CIPC: variants seen among roughly 807,000 people sequenced by gnomAD.
CIPC encodes the protein CLOCK interacting pacemaker.
Under a neutral mutation model 26.7 loss-of-function variants are expected in CIPC, and 12 were observed. The observed-to-expected ratio is 0.45, with a 90% CI of 0.29 to 0.73. The LOEUF is 0.73. CIPC is among the 30% of genes least tolerant of loss of function. The pLI is 0.12. For missense variants in CIPC, 417 were observed against 486.5 expected, an observed-to-expected ratio of 0.86 and a Z score of 1.34; for synonymous variants, 170 against 189.8, an observed-to-expected ratio of 0.90 and a Z score of 0.86.
chr14:77,107,304 C>T (rs935722843), intron 2 of CIPC, among the ~76,000 whole-genome samples: 2 of 152,126 alleles, frequency 1.3e-5, no homozygotes, highest in Non-Finnish European at 2.9e-5. Context: ...TCAACTTTGT[C>T]AGGCCAGTTG....
Position 77,114,552 on chromosome 14 carries a change from C to T in CIPC, c.*234C>T, listed in dbSNP as rs1886771824. ...CTCAGTTTGGGAGTGCCCTTGAGCC[C>T]CTTTTCCTTAGCCTGCAGGTGCTTC... On this transcript the variant is annotated 3_prime_UTR_variant, in exon 4 of 4. Coordinates refer to ENST00000361786, the MANE Select transcript of CIPC (RefSeq NM_033426.3). The T allele has an allele frequency of 8.1e-6, 4 of 491,598 alleles. No homozygotes were observed. Among genetic ancestry groups the T allele is most frequent in the Admixed American group, 3.6e-5 (1 of 28,082 alleles). 30.5% of individuals were successfully genotyped at this position (491,598 alleles called of 1,614,324 possible). A position where few individuals can be genotyped will look rare whatever the true frequency, so the allele number is the denominator to read the frequency against.
intron 1 of CIPC, among the ~76,000 whole-genome samples, chr14:77,104,835 A>G (rs1038756777): frequency 3.3e-5 from 5 of 152,242 alleles, no homozygotes; most frequent in Admixed American, 2.6e-4. Context: ...AGGAAGCGAC[A>G]GATGCCTATT....
rs1260741112 is a variant in CIPC, at chr14:77,116,885, T to A, written c.*2567T>A. The A allele has an allele frequency of 6.6e-6, 1 of 152,238 alleles. No individual in the cohort carries two copies. The highest frequency in any genetic ancestry group is 2.4e-5 in the African/African-American group (1 of 41,458). 9.4% of individuals were successfully genotyped at this position (152,238 alleles called of 1,614,324 possible). A position where few individuals can be genotyped will look rare whatever the true frequency, so the allele number is the denominator to read the frequency against. ...TAGCGATGAATAACGTAATTGGCTA[T>A]GAAGTACTGTGGCAGAGCTGCTGTT... On this transcript the variant is annotated 3_prime_UTR_variant, in exon 4 of 4. Coordinates refer to ENST00000361786, the MANE Select transcript of CIPC (RefSeq NM_033426.3).
chr14:77,113,787 C>T lies in CIPC; in HGVS notation c.669C>T (p.Ala223=), dbSNP rs375338415. The change falls in exon 4 of 4, where the codon GCC becomes GCT. Residue 223 remains alanine (A), a synonymous_variant. Transcript: ENST00000361786. ...STPAPPSAKL[A]EDSALQGVPS... ...CAGCACCACCCAGCGCCAAACTTGC[C>T]GAGGACTCAGCTCTGCAGGGTGTGC... is the stretch of plus-strand genomic sequence containing the variant. 1.8e-5 allele frequency: 29 copies of T among 1,613,672 alleles called. 1 individual carries two copies. The highest frequency in any genetic ancestry group is 1.6e-4 in the South Asian group (15 of 91,060).
intron 1 of CIPC, among the ~76,000 whole-genome samples, chr14:77,100,654 C>G (rs1886463451): frequency 6.6e-6 from 1 of 151,870 alleles, no homozygotes; most frequent in African/African-American, 2.4e-5. Flanking sequence ...ACTGCAACTC[C>G]ACATCCCAGG....
In CIPC at chr14:77,116,717, A is replaced by G. The variant is rs1385206673; in HGVS notation, c.*2399A>G. On this transcript the variant is annotated 3_prime_UTR_variant, in exon 4 of 4. Transcript: ENST00000361786. ...GGCATTTGTTCTCTGTTGGAGCTGT[A>G]AGCAGATGAACCCAAGTAGAGAAGA... 1 of 152,234 alleles carries G rather than the reference A, an allele frequency of 6.6e-6. No homozygotes were observed. The highest frequency in any genetic ancestry group is 1.9e-4 in the East Asian group (1 of 5,204). The allele number at this position is 152,234 out of a possible 1,614,324, so 9.4% of individuals were successfully genotyped here.
chr14:77,102,377 A>G (rs1886508234), intron 1 of CIPC, among the ~76,000 whole-genome samples: 2 of 152,232 alleles, frequency 1.3e-5, no homozygotes, highest in African/African-American at 2.4e-5. Flanking sequence ...AGAAAAAAAC[A>G]AAAAGCAACA....
intron 1 of CIPC, among the ~76,000 whole-genome samples, chr14:77,101,585 C>T (rs1886484819): frequency 6.6e-6 from 1 of 152,196 alleles, no homozygotes; most frequent in African/African-American, 2.4e-5. Flanking sequence ...TACCTTTCCT[C>T]ACCTACCATA....
rs371361427 is a variant in CIPC at position 77,109,771 on chromosome 14, G to C, written c.137-41G>C. The stretch of plus-strand genomic sequence containing the variant: ...TTAGGAGCCTGGTTAAGAGCCCCTA[G>C]TCTAGAGCCTGAGTGAGTTGACCAT... On this transcript the variant is annotated intron_variant, in intron 2 of 3. Coordinates refer to ENST00000361786, the MANE Select transcript of CIPC (RefSeq NM_033426.3). 1.6e-5 allele frequency: 25 copies of C among 1,582,520 alleles called. No individual in the cohort carries two copies. In the African/African-American group the frequency reaches 3.1e-4, roughly 20 times the overall value.
At chr14:77,103,817 T>C (rs560217796) in intron 1 of CIPC, among the ~76,000 whole-genome samples, 1 of 152,252 alleles carries the variant, frequency 6.6e-6, no homozygotes, top group Admixed American at 6.5e-5. Flanking sequence ...AGTCTCTACA[T>C]GACCAAATCT....
intron 1 of CIPC, among the ~76,000 whole-genome samples, chr14:77,101,855 G>A (rs1241837482): frequency 6.6e-6 from 1 of 152,212 alleles, no homozygotes; most frequent in African/African-American, 2.4e-5. Flanking sequence ...GGAGGCTGAG[G>A]TGGGAGGATT....
chr14:77,107,404 T>C (rs1205237068), intron 2 of CIPC, among the ~76,000 whole-genome samples: 1 of 152,178 alleles, frequency 6.6e-6, no homozygotes, highest in African/African-American at 2.4e-5. Context: ...TGAATGCCAC[T>C]GGAATGCTTC....
In CIPC at chr14:77,113,781, A is replaced by C. The variant is rs1886752287; in HGVS notation, c.663A>C (p.Lys221Asn). The C allele has an allele frequency of 6.2e-7, 1 of 1,613,792 alleles. No individual in the cohort carries two copies. Among genetic ancestry groups the C allele is most frequent in the Non-Finnish European group, 8.5e-7 (1 of 1,179,750 alleles). ...SPSTPAPPSA[K>N]LAEDSALQGV... ...CGACGCCAGCACCACCCAGCGCCAA[A>C]CTTGCCGAGGACTCAGCTCTGCAGG... is the stretch of plus-strand genomic sequence containing the variant. The change falls in exon 4 of 4, where the codon AAA (lysine) becomes AAC (asparagine). Residue 221 changes from lysine to asparagine, a missense_variant. Coordinates refer to ENST00000361786, the MANE Select transcript of CIPC (RefSeq NM_033426.3).
In CIPC at chr14:77,114,525, A is replaced by T. The variant is rs1221005542; in HGVS notation, c.*207A>T. The T allele has an allele frequency of 2.0e-5, 11 of 553,912 alleles. No individual in the cohort carries two copies. Among genetic ancestry groups the T allele is most frequent in the Non-Finnish European group, 3.2e-5 (10 of 317,422 alleles). The allele number at this position is 553,912 out of a possible 1,614,324, so 34.3% of individuals were successfully genotyped here. ...TACATATGTCCCCGTCCCACTGAGG[A>T]CCTCAGTTTGGGAGTGCCCTTGAGC... On this transcript the variant is annotated 3_prime_UTR_variant, in exon 4 of 4. Transcript: ENST00000361786.
rs186908975 is a variant in CIPC at position 77,108,988 on chromosome 14, A to C, written c.137-824A>C. Among the ~76,000 whole-genome samples, 8 of 151,974 alleles carry C rather than the reference A, an allele frequency of 5.3e-5. No individual in the cohort carries two copies. The East Asian group carries it at 1.4e-3, about 26-fold the overall frequency. ...CTGGGACAAGCAGCTGTCCAGGCTC[A>C]TCTCGTATCTTCCCTGTCAAAGTCT... On this transcript the variant is annotated intron_variant, in intron 2 of 3. Transcript: ENST00000361786.
intron 1 of CIPC, among the ~76,000 whole-genome samples, chr14:77,100,861 A>G (rs1361115480): frequency 4.6e-5 from 7 of 152,016 alleles, no homozygotes; most frequent in African/African-American, 1.7e-4. Flanking sequence ...GAGCCACCAC[A>G]CCCGGCCTGA....
intron 1 of CIPC, among the ~76,000 whole-genome samples, chr14:77,103,723 C>T (rs528560711): frequency 1.8e-4 from 28 of 152,158 alleles, no homozygotes; most frequent in Non-Finnish European, 3.5e-4. Context: ...ATCACTGGAG[C>T]AAATATAGGC....
chr14:77,102,802 G>A (rs1886517849), intron 1 of CIPC, among the ~76,000 whole-genome samples: 1 of 152,178 alleles, frequency 6.6e-6, no homozygotes, highest in Non-Finnish European at 1.5e-5. Flanking sequence ...CCATCCACAA[G>A]CCTCATCTAC....
In CIPC at chr14:77,112,701, G is replaced by GT. The variant is rs200023584; in HGVS notation, c.307-715dup. Among the ~76,000 whole-genome samples the GT allele has an allele frequency of 1.8e-3, 260 of 148,002 alleles. 2 individuals carry two copies. Among genetic ancestry groups the GT allele is most frequent in the African/African-American group, 2.9e-3 (115 of 40,346 alleles). On this transcript the variant is annotated intron_variant, in intron 3 of 3. Coordinates refer to ENST00000361786, the MANE Select transcript of CIPC (RefSeq NM_033426.3). ...ATATGGGTTTTTTTCTTTTCTTTCT[G>GT]TTTTTTTTTGTTGTTGTTGTTGTTT... is the stretch of plus-strand genomic sequence containing the variant.
Sources: allele counts gnomAD v4.1 joint callset (sites outside exome capture counted in the v4.1 genomes callset), GRCh38; gene constraint gnomAD v4.1.1; transcripts MANE v1.5; gene names NCBI Gene and HGNC (gene_info 2026-07-23, HGNC 2026-07-21).